Variants in PLEKHG7 observed in about 807,000 individuals in gnomAD.
PLEKHG7 encodes the protein pleckstrin homology and RhoGEF domain containing G7.
Under a neutral mutation model 85.2 loss-of-function variants are expected in PLEKHG7, and 77 were observed. The observed-to-expected ratio is 0.90, with a 90% CI of 0.75 to 1.09. The LOEUF (loss-of-function observed/expected upper bound fraction) is 1.09, where lower values mean the gene tolerates loss of function less well. Ranked by LOEUF, PLEKHG7 falls within the 50% of genes least tolerant of loss-of-function variation. The pLI is 0.00. For synonymous variants in PLEKHG7, 301 were observed against 302.4 expected, an observed-to-expected ratio of 1.00 and a Z score of 0.05; for missense variants, 777 against 804.3, an observed-to-expected ratio of 0.97 and a Z score of 0.41.
chr12:92,740,381 A>G (rs1264994982), intron 7 of PLEKHG7, among the ~76,000 whole-genome samples: 2 of 152,248 alleles, frequency 1.3e-5, no homozygotes, highest in Non-Finnish European at 2.9e-5. Flanking sequence ...CCTCTAAACA[A>G]ACTGAAACAT....
chr12:92,707,723 C>T (rs756576291), intron 3 of PLEKHG7, 51 bp downstream of exon 3: 3 of 1,612,640 alleles, frequency 1.9e-6, no homozygotes, highest in East Asian at 2.2e-5. Context: ...TGACTATTTA[C>T]TATTAGATTT....
At chr12:92,736,357 A>T in intron 5 of PLEKHG7, 125 bp from the exon 6 acceptor site, 1 of 554,272 alleles carries the variant, frequency 1.8e-6, no homozygotes, top group Non-Finnish European at 2.7e-6. Flanking sequence ...TTAGTGGCTT[A>T]AAGACAAAAT....
chr12:92,748,193 A>T (rs1035998008), intron 10 of PLEKHG7, among the ~76,000 whole-genome samples: 30 of 151,964 alleles, frequency 2.0e-4, no homozygotes, highest in African/African-American at 7.3e-4. Context: ...TGTGTGTGAC[A>T]TCCAGGGATA....
chr12:92,753,495 C>T (rs1388256555), intron 10 of PLEKHG7, among the ~76,000 whole-genome samples: 1 of 152,138 alleles, frequency 6.6e-6, no homozygotes, highest in Non-Finnish European at 1.5e-5. Context: ...TGCTGGCATA[C>T]CCTAGAACTG....
At chr12:92,753,424 G>T (rs1166180446) in intron 10 of PLEKHG7, among the ~76,000 whole-genome samples, 3 of 152,108 alleles carry the variant, frequency 2.0e-5, no homozygotes, top group African/African-American at 4.8e-5. Flanking sequence ...AACCCCAATG[G>T]ATAACCCATG....
intron 10 of PLEKHG7, among the ~76,000 whole-genome samples, chr12:92,752,702 C>A (rs1312643539): frequency 6.6e-6 from 1 of 152,148 alleles, no homozygotes; most frequent in Non-Finnish European, 1.5e-5. Flanking sequence ...CAACAGCCTG[C>A]AGCAGGAGAA....
chr12:92,769,916 T>C (rs181089702), intron 16 of PLEKHG7, among the ~76,000 whole-genome samples, 172 bp from the exon 17 acceptor site: 1 of 152,226 alleles, frequency 6.6e-6, no homozygotes, highest in East Asian at 1.9e-4. Flanking sequence ...ATTAGAAGTA[T>C]TTATATTAGA....
chr12:92,707,389 C>T (rs988735082), intron 2 of PLEKHG7: 2 of 1,427,482 alleles, frequency 1.4e-6, no homozygotes, highest in African/African-American at 1.4e-5. Context: ...AAAGGATGCA[C>T]CAAGGCCAGG....
chr12:92,761,941 T>C (rs1873046959), intron 14 of PLEKHG7, 110 bp downstream of exon 14: 1 of 1,272,460 alleles, frequency 7.9e-7, no homozygotes, highest in Non-Finnish European at 1.0e-6. Context: ...AAGCTGAATC[T>C]TTTCCTCTAA....
intron 3 of PLEKHG7, among the ~76,000 whole-genome samples, chr12:92,719,664 CT>C (rs1871584010): frequency 6.6e-6 from 1 of 152,140 alleles, no homozygotes; most frequent in Non-Finnish European, 1.5e-5. Context: ...ATTCTCTAGC[CT>C]TTGTTATTAT....
chr12:92,756,035 C>A, intron 12 of PLEKHG7, 95 bp downstream of exon 12: 1 of 855,734 alleles, frequency 1.2e-6, no homozygotes. Context: ...CATCTGTCCA[C>A]TTGAAGAATA....
chr12:92,724,906 C>T (rs975730810), intron 3 of PLEKHG7, among the ~76,000 whole-genome samples: 1 of 151,946 alleles, frequency 6.6e-6, no homozygotes, highest in Non-Finnish European at 1.5e-5. Flanking sequence ...AAGGAAAGAG[C>T]ATGCACATTG....
chr12:92,767,765 A>G (rs1873249788), intron 15 of PLEKHG7, among the ~76,000 whole-genome samples: 1 of 152,202 alleles, frequency 6.6e-6, no homozygotes, highest in Non-Finnish European at 1.5e-5. Context: ...TTCAACAAAT[A>G]CAAATAGTGA....
chr12:92,732,173 TGATCTGTCGCTAGTTA>T, intron 4 of PLEKHG7, 44 bp from the exon 5 acceptor site: 1 of 1,046,174 alleles, frequency 9.6e-7, no homozygotes, highest in Non-Finnish European at 1.2e-6. Flanking sequence ...AGCACTACGA[TGATCTGTCGCTAGTTA>T]CTCTAAGTAC....
In PLEKHG7 at chr12:92,718,912, A is replaced by G. The variant is rs57076547; in HGVS notation, c.531-10081A>G. Among the ~76,000 whole-genome samples, 603 of 152,322 alleles carry G rather than the reference A, an allele frequency of 4.0e-3. 6 individuals carry two copies. Among genetic ancestry groups the G allele is most frequent in the African/African-American group, 0.014 (576 of 41,580 alleles). On this transcript the variant is annotated intron_variant, in intron 3 of 16. Coordinates refer to ENST00000344636, the MANE Select transcript of PLEKHG7 (RefSeq NM_001377329.1). Reference sequence around the variant, plus strand: ...TACATGGCATTTCTCACACATGATGAGACTCTTAAGAGGCATCTCTGTTCT... The same window carrying G: ...TACATGGCATTTCTCACACATGATGGGACTCTTAAGAGGCATCTCTGTTCT...
At chr12:92,746,866 T>TGTAAAAATCAA (rs1460617028) in intron 10 of PLEKHG7, among the ~76,000 whole-genome samples, 1 of 152,130 alleles carries the variant, frequency 6.6e-6, no homozygotes, top group Non-Finnish European at 1.5e-5. Flanking sequence ...TCTCACCATA[T>TGTAAAAATCAA]GTAAAAATCA....
intron 11 of PLEKHG7, 119 bp from the exon 12 acceptor site, chr12:92,755,706 A>G: frequency 2.7e-6 from 2 of 729,348 alleles, no homozygotes; most frequent in Non-Finnish European, 4.9e-6. Context: ...TGAACTTTAT[A>G]TATTGTCTGG....
intron 6 of PLEKHG7, 81 bp downstream of exon 6, chr12:92,736,658 T>A (rs1011360157): frequency 5.9e-6 from 5 of 853,570 alleles, no homozygotes; most frequent in Non-Finnish European, 6.2e-6. Context: ...GGTCAGTATT[T>A]TAAGCTGCCA....
intron 10 of PLEKHG7, among the ~76,000 whole-genome samples, chr12:92,751,614 TCCTC>T (rs1029026750): frequency 6.6e-6 from 1 of 151,642 alleles, no homozygotes; most frequent in African/African-American, 2.4e-5. Flanking sequence ...CCTCCAGTGA[TCCTC>T]CCACCTCGGC....
Sources: gnomAD v4.1 joint callset for allele counts (sites outside exome capture counted in the v4.1 genomes callset) on GRCh38, gnomAD v4.1.1 for gene constraint, MANE v1.5 for transcripts, NCBI Gene and HGNC (gene_info 2026-07-23, HGNC 2026-07-21) for gene names.